Variants in NRXN1 observed in about 807,000 individuals in gnomAD.
NRXN1 encodes neurexin 1.
Under a neutral mutation model 150.9 loss-of-function variants are expected in NRXN1, and 39 were observed. The observed-to-expected ratio is 0.26, with a 90% CI of 0.20 to 0.34. The LOEUF (loss-of-function observed/expected upper bound fraction) is 0.34, where lower values mean the gene tolerates loss of function less well. Ranked by LOEUF, NRXN1 falls within the 10% of genes least tolerant of loss-of-function variation. The pLI, the probability that NRXN1 is intolerant of heterozygous loss-of-function variation, is 1.00. For synonymous variants in NRXN1, 924 were observed against 757.0 expected (o/e 1.22, Z -3.62); for missense variants, 1,815 against 1,949.9 (o/e 0.93, Z 1.30).
chr2:49,954,664 G>T (rs1038321926), intron 21 of NRXN1, among the ~76,000 whole-genome samples: 2 of 152,116 alleles, frequency 1.3e-5, no homozygotes, highest in Non-Finnish European at 2.9e-5. Context: ...GGTTGTATTT[G>T]TAGTTATAAT....
intron 15 of NRXN1, among the ~76,000 whole-genome samples, chr2:50,492,704 TA>T (rs534588896): frequency 6.6e-6 from 1 of 151,824 alleles, no homozygotes; most frequent in South Asian, 2.1e-4. Flanking sequence ...ATAAGGAGGA[TA>T]AAAAAAATTC....
At chr2:50,299,088 T>C (rs2073910880) in intron 17 of NRXN1, among the ~76,000 whole-genome samples, 1 of 152,154 alleles carries the variant, frequency 6.6e-6, no homozygotes. Context: ...GGCTACATAA[T>C]CATGTAGACC....
intron 8 of NRXN1, among the ~76,000 whole-genome samples, chr2:50,598,725 C>CACATATATATGTGTATATAT (rs1675724748): frequency 6.9e-6 from 1 of 144,392 alleles, no homozygotes; most frequent in Non-Finnish European, 1.5e-5. Flanking sequence ...TGTATATATA[C>CACATATATATGTGTATATAT]ACATATATAT....
At chr2:50,363,520 G>C (rs968007332) in intron 17 of NRXN1, among the ~76,000 whole-genome samples, 1 of 152,124 alleles carries the variant, frequency 6.6e-6, no homozygotes, top group African/African-American at 2.4e-5. Context: ...ATTAGAGAAA[G>C]GCAATTAAAA....
At chr2:50,882,878 TA>T (rs1332531301) in intron 5 of NRXN1, among the ~76,000 whole-genome samples, 3 of 151,794 alleles carry the variant, frequency 2.0e-5, no homozygotes, top group African/African-American at 7.2e-5. Context: ...GGCTTTTCTA[TA>T]AAAAAGATAT....
chr2:50,085,897 G>T (rs1027742122), intron 19 of NRXN1, among the ~76,000 whole-genome samples: 1 of 152,098 alleles, frequency 6.6e-6, no homozygotes, highest in Admixed American at 6.5e-5. Context: ...TGCATCTAAT[G>T]ATCTTTGTAT....
At chr2:50,002,947 C>T (rs1039319663) in intron 21 of NRXN1, among the ~76,000 whole-genome samples, 7 of 152,016 alleles carry the variant, frequency 4.6e-5, no homozygotes, top group African/African-American at 1.4e-4. Context: ...GTCTTGAAAC[C>T]TCAGAGGAAT....
intron 5 of NRXN1, among the ~76,000 whole-genome samples, chr2:50,868,264 C>G (rs1385944359): frequency 6.9e-6 from 1 of 145,158 alleles, no homozygotes; most frequent in East Asian, 2.1e-4. Context: ...ATGGTTGGAA[C>G]TGGAAGTCTT....
At chr2:50,399,789 T>TAA in intron 17 of NRXN1, among the ~76,000 whole-genome samples, 1 of 60,522 alleles carries the variant, frequency 1.7e-5, no homozygotes, top group Non-Finnish European at 3.0e-5. Context: ...AGAGAACTGG[T>TAA]AAAAAAAAAA....
At chr2:50,344,905 C>T (rs2077828516) in intron 17 of NRXN1, among the ~76,000 whole-genome samples, 1 of 152,192 alleles carries the variant, frequency 6.6e-6, no homozygotes, top group Admixed American at 6.5e-5. Context: ...CCTCACCACA[C>T]CCACCTACCC....
intron 2 of NRXN1, among the ~76,000 whole-genome samples, chr2:50,947,574 A>C (rs1279209441): frequency 1.3e-5 from 2 of 151,928 alleles, no homozygotes; most frequent in African/African-American, 4.8e-5. Flanking sequence ...CAGACACTAG[A>C]TACATAAAAC....
At chr2:50,956,366 T>C (rs1045747005) in intron 2 of NRXN1, among the ~76,000 whole-genome samples, 2 of 152,170 alleles carry the variant, frequency 1.3e-5, no homozygotes, top group African/African-American at 2.4e-5. Flanking sequence ...CCTTGGAACA[T>C]ATTCCCCTCA....
chr2:50,301,361 A>T (rs566433316), intron 17 of NRXN1, among the ~76,000 whole-genome samples: 1 of 152,206 alleles, frequency 6.6e-6, no homozygotes, highest in African/African-American at 2.4e-5. Flanking sequence ...GAGAGGTTAT[A>T]TGGTTGATCC....
chr2:50,373,719 AAGAC>A (rs72340754), intron 17 of NRXN1, among the ~76,000 whole-genome samples: 62 of 148,030 alleles, frequency 4.2e-4, no homozygotes, highest in Middle Eastern at 3.4e-3. Context: ...AAGAGAAAGA[AAGAC>A]AGACAGACTA....
At chr2:50,483,480 G>A (rs1265791399) in intron 15 of NRXN1, among the ~76,000 whole-genome samples, 1 of 152,110 alleles carries the variant, frequency 6.6e-6, no homozygotes, top group Non-Finnish European at 1.5e-5. Flanking sequence ...TCTTGCACAA[G>A]GTTCAAGAAC....
chr2:50,780,358 T>C lies in NRXN1; in HGVS notation c.832+141511A>G, dbSNP rs558540993. 6.8e-4 allele frequency among the ~76,000 whole-genome samples: 103 copies of C among 152,310 alleles called. No individual in the cohort carries two copies. The South Asian group carries it at 0.019, about 28-fold the overall frequency. On this transcript the variant is annotated intron_variant, in intron 5 of 22. Transcript: ENST00000401669. ...TTGAATAACTTTTCATGACATTAAA[T>C]ATACAAAATACAACATAAAATTTAC... is the stretch of plus-strand genomic sequence containing the variant.
intron 19 of NRXN1, among the ~76,000 whole-genome samples, chr2:50,080,306 T>A (rs1295431705): frequency 6.6e-6 from 1 of 152,160 alleles, no homozygotes; most frequent in African/African-American, 2.4e-5. Flanking sequence ...ACTAATCTCT[T>A]ATCATGTCTA....
intron 16 of NRXN1, among the ~76,000 whole-genome samples, chr2:50,471,294 C>T (rs2089436206): frequency 6.6e-6 from 1 of 151,596 alleles, no homozygotes; most frequent in Non-Finnish European, 1.5e-5. Context: ...TCCCTTATAC[C>T]ATGCTGTATG....
chr2:50,692,186 A>G (rs1239191903), intron 5 of NRXN1, among the ~76,000 whole-genome samples: 3 of 152,172 alleles, frequency 2.0e-5, no homozygotes. Context: ...CTTGGTAAAT[A>G]TTATCTGAAT....
Sources: gnomAD v4.1 joint callset for allele counts (sites outside exome capture counted in the v4.1 genomes callset) on GRCh38, gnomAD v4.1.1 for gene constraint, MANE v1.5 for transcripts, NCBI Gene and HGNC (gene_info 2026-07-23, HGNC 2026-07-21) for gene names.